The following SUMF1 variants were observed in gnomAD, a reference collection of about 807,000 sequenced individuals.
SUMF1 encodes the protein formylglycine-generating enzyme.
SUMF1 carries 48 observed loss-of-function variants against 47.6 expected under a neutral mutation model. The ratio of observed to expected loss-of-function variants is 1.01; its 90% CI spans 0.80 to 1.28. SUMF1 has a LOEUF of 1.28. Among genes scored for constraint, SUMF1 ranks in the 50% most tolerant of loss-of-function variants. SUMF1 has a pLI of 0.00. For missense variants in SUMF1, 571 were observed against 485.4 expected, an observed-to-expected ratio of 1.18 and a Z score of -1.66; for synonymous variants, 230 against 192.1, an observed-to-expected ratio of 1.20 and a Z score of -1.63.
intron 8 of SUMF1, among the ~76,000 whole-genome samples, chr3:4,228,695 T>A (rs953690544): frequency 3.9e-5 from 6 of 152,102 alleles, no homozygotes; most frequent in African/African-American, 1.2e-4. Context: ...CTTTCCAAGG[T>A]CCCAAATCCT....
chr3:4,452,186 C>T (rs1355059747), intron 2 of SUMF1, among the ~76,000 whole-genome samples: 6 of 149,898 alleles, frequency 4.0e-5, no homozygotes, highest in Non-Finnish European at 7.4e-5. Context: ...AAAGGTTTTT[C>T]GTGAGAGAAA....
At chr3:4,154,702 A>G (rs953416587) in intron 8 of SUMF1, among the ~76,000 whole-genome samples, 2 of 151,544 alleles carry the variant, frequency 1.3e-5, no homozygotes, top group African/African-American at 4.9e-5. Flanking sequence ...TTGATTGCCT[A>G]CTGTGTGCCC....
intron 8 of SUMF1, among the ~76,000 whole-genome samples, chr3:4,090,116 A>T (rs1692752695): frequency 1.3e-5 from 2 of 152,144 alleles, no homozygotes. Context: ...GTGCTTCATT[A>T]ATATTTGGTA....
chr3:4,159,813 T>C (rs1370916695), intron 8 of SUMF1, among the ~76,000 whole-genome samples: 1 of 152,190 alleles, frequency 6.6e-6, no homozygotes, highest in Admixed American at 6.5e-5. Flanking sequence ...TTGAAGGATA[T>C]TTTCACTGGA....
intron 8 of SUMF1, among the ~76,000 whole-genome samples, chr3:4,128,080 T>C (rs1237958712): frequency 1.3e-5 from 2 of 151,998 alleles, no homozygotes; most frequent in Non-Finnish European, 2.9e-5. Flanking sequence ...TGAAAGAAAA[T>C]GATGAACTCA....
intron 8 of SUMF1, among the ~76,000 whole-genome samples, chr3:4,216,844 C>G (rs1303869216): frequency 6.6e-6 from 1 of 151,972 alleles, no homozygotes; most frequent in Non-Finnish European, 1.5e-5. Flanking sequence ...GAATGGGGAT[C>G]GTCAAAAAGT....
chr3:4,446,858 C>T, intron 3 of SUMF1, among the ~76,000 whole-genome samples: 1 of 152,102 alleles, frequency 6.6e-6, no homozygotes. Flanking sequence ...GGGGAAGCAA[C>T]ACAATGAAAG....
intron 4 of SUMF1, among the ~76,000 whole-genome samples, chr3:4,418,966 G>A (rs1448750421): frequency 6.6e-6 from 1 of 152,068 alleles, no homozygotes; most frequent in Non-Finnish European, 1.5e-5. Context: ...ATACACCTTT[G>A]AATTCCCCAC....
chr3:4,369,687 A>T (rs1308892658), intron 8 of SUMF1, among the ~76,000 whole-genome samples: 1 of 152,212 alleles, frequency 6.6e-6, no homozygotes, highest in Admixed American at 6.5e-5. Context: ...AATGGCCAAT[A>T]CAGGTTGCTT....
intron 8 of SUMF1, among the ~76,000 whole-genome samples, chr3:4,352,246 G>C (rs766258045): frequency 1.3e-5 from 2 of 152,080 alleles, no homozygotes; most frequent in Non-Finnish European, 2.9e-5. Flanking sequence ...GGGGCATCTT[G>C]AGTCCTAGTT....
intron 8 of SUMF1, among the ~76,000 whole-genome samples, chr3:4,188,172 G>A (rs1695242078): frequency 7.2e-6 from 1 of 139,336 alleles, no homozygotes; most frequent in African/African-American, 2.7e-5. Context: ...GTTTACATTA[G>A]GGTTCACTTT....
chr3:4,158,321 T>C (rs1384281359), intron 8 of SUMF1, among the ~76,000 whole-genome samples: 2 of 151,634 alleles, frequency 1.3e-5, no homozygotes, highest in East Asian at 3.8e-4. Context: ...CTTGATATGA[T>C]TTCAATTGTT....
chr3:4,103,370 G>A (rs560384687), intron 8 of SUMF1, among the ~76,000 whole-genome samples: 17 of 152,132 alleles, frequency 1.1e-4, no homozygotes, highest in South Asian at 6.2e-4. Context: ...TCTAGTACTT[G>A]GCCTCTAAAA....
chr3:4,187,940 T>C (rs1401202200), intron 8 of SUMF1, among the ~76,000 whole-genome samples: 2 of 152,178 alleles, frequency 1.3e-5, no homozygotes, highest in Admixed American at 6.5e-5. Flanking sequence ...CGTAATGACA[T>C]TGATTTTGAC....
intron 8 of SUMF1, among the ~76,000 whole-genome samples, chr3:4,172,364 G>A (rs1694850488): frequency 6.6e-6 from 1 of 152,066 alleles, no homozygotes; most frequent in Admixed American, 6.6e-5. Flanking sequence ...AGTTTTTAAT[G>A]TCTATAAAAT....
At chr3:4,417,675 G>A (rs1467648384) in intron 5 of SUMF1, among the ~76,000 whole-genome samples, 3 of 152,176 alleles carry the variant, frequency 2.0e-5, no homozygotes, top group African/African-American at 4.8e-5. Context: ...GAGACATACC[G>A]CTGCTTCAGG....
At chr3:4,137,831 T>G (rs751799512) in intron 8 of SUMF1, among the ~76,000 whole-genome samples, 1 of 151,910 alleles carries the variant, frequency 6.6e-6, no homozygotes, top group African/African-American at 2.4e-5. Context: ...GAAAAAGAAA[T>G]AAATGATCCA....
intron 8 of SUMF1, among the ~76,000 whole-genome samples, chr3:4,212,034 C>T (rs944937364): frequency 5.3e-5 from 8 of 152,188 alleles, no homozygotes; most frequent in Non-Finnish European, 1.0e-4. Context: ...TGCCTGATGG[C>T]TCTGAAGAGA....
intron 3 of SUMF1, among the ~76,000 whole-genome samples, chr3:4,435,611 T>G (rs1044352988): frequency 7.2e-5 from 11 of 152,166 alleles, no homozygotes; most frequent in African/African-American, 2.7e-4. Flanking sequence ...ATCAAACTGT[T>G]GAAGATAAAA....
Sources: allele counts gnomAD v4.1 joint callset (sites outside exome capture counted in the v4.1 genomes callset), GRCh38; gene constraint gnomAD v4.1.1; transcripts MANE v1.5; gene names NCBI Gene and HGNC (gene_info 2026-07-23, HGNC 2026-07-21).